METAP1: variants seen among roughly 807,000 people sequenced by gnomAD.
METAP1 encodes the protein methionyl aminopeptidase 1.
Under a neutral mutation model 53.8 loss-of-function variants are expected in METAP1, and 28 were observed. That is an observed-to-expected ratio of 0.52 (90% CI 0.39 to 0.71). The LOEUF (loss-of-function observed/expected upper bound fraction) is 0.71. Ranked by LOEUF, METAP1 falls within the 30% of genes least tolerant of loss-of-function variation. METAP1 has a pLI of 0.00. For missense variants in METAP1, 389 were observed against 479.8 expected (o/e 0.81, Z 1.77); for synonymous variants, 181 against 165.7 (o/e 1.09, Z -0.71).
intron 1 of METAP1, among the ~76,000 whole-genome samples, chr4:99,002,406 C>G (rs987710548): frequency 6.6e-6 from 1 of 152,240 alleles, no homozygotes; most frequent in East Asian, 1.9e-4. Context: ...TCCTGAACTT[C>G]GCCTGACCTC....
chr4:99,021,134 A>C (rs1445044363), intron 1 of METAP1, among the ~76,000 whole-genome samples: 1 of 152,108 alleles, frequency 6.6e-6, no homozygotes, highest in African/African-American at 2.4e-5. Context: ...CTGTATTCTC[A>C]GTTCCCTGGA....
chr4:99,040,885 T>C (rs1725809292), intron 5 of METAP1, among the ~76,000 whole-genome samples, 158 bp from the exon 6 acceptor site: 1 of 151,114 alleles, frequency 6.6e-6, no homozygotes, highest in African/African-American at 2.4e-5. Context: ...ATGTTTGTTT[T>C]TATGTATTTA....
chr4:99,024,889 TGGG>T (rs1724445200), intron 1 of METAP1, among the ~76,000 whole-genome samples: 1 of 151,932 alleles, frequency 6.6e-6, no homozygotes, highest in Non-Finnish European at 1.5e-5. Context: ...TCCATGGACT[TGGG>T]GGTGGTGGGG....
intron 2 of METAP1, among the ~76,000 whole-genome samples, chr4:99,029,978 C>T (rs371858995): frequency 2.6e-5 from 4 of 152,088 alleles, no homozygotes; most frequent in East Asian, 3.8e-4. Flanking sequence ...AGTTTATCAA[C>T]GCATAAAAGA....
chr4:99,000,348 A>G (rs1272299319), intron 1 of METAP1, among the ~76,000 whole-genome samples: 5 of 152,202 alleles, frequency 3.3e-5, no homozygotes, highest in African/African-American at 1.2e-4. Context: ...AAGTGGAAGG[A>G]GACCTGGATT....
intron 10 of METAP1, 55 bp from the exon 11 acceptor site, chr4:99,061,099 A>G: frequency 6.4e-7 from 1 of 1,568,154 alleles, no homozygotes; most frequent in South Asian, 1.2e-5. Flanking sequence ...TTTCTTCTTG[A>G]TAGAGTTCAT....
At chr4:99,037,156 C>G (rs1399893855) in intron 4 of METAP1, among the ~76,000 whole-genome samples, 1 of 151,082 alleles carries the variant, frequency 6.6e-6, no homozygotes, top group African/African-American at 2.4e-5. Context: ...CCTTTTTTTC[C>G]CTGTTAGAGT....
intron 9 of METAP1, among the ~76,000 whole-genome samples, chr4:99,051,147 A>G (rs1726669188): frequency 6.6e-6 from 1 of 152,158 alleles, no homozygotes; most frequent in Admixed American, 6.5e-5. Flanking sequence ...AGGGAATGAA[A>G]ACAGTCCCCT....
chr4:99,016,121 G>C (rs1464022071), intron 1 of METAP1, among the ~76,000 whole-genome samples: 2 of 152,138 alleles, frequency 1.3e-5, no homozygotes, highest in African/African-American at 2.4e-5. Context: ...GAATTCCAAG[G>C]GTGGTGCTTG....
chr4:98,996,899 G>A (rs2110266746), intron 1 of METAP1, among the ~76,000 whole-genome samples: 1 of 152,300 alleles, frequency 6.6e-6, no homozygotes, highest in South Asian at 2.1e-4. Flanking sequence ...GCCTGATTGG[G>A]GCCCTGCCCT....
chr4:99,050,198 A>G (rs1726594663), intron 9 of METAP1, among the ~76,000 whole-genome samples: 1 of 152,198 alleles, frequency 6.6e-6, no homozygotes, highest in African/African-American at 2.4e-5. Flanking sequence ...AGAGAAAAAC[A>G]GAGAAAATAT....
At position 99,062,404 on chromosome 4, in the gene METAP1, C is replaced by A. The variant is rs921327411; in HGVS notation, c.*1087C>A. On this transcript the variant is annotated 3_prime_UTR_variant, in exon 11 of 11. Transcript: ENST00000296411. Reference sequence around the variant, plus strand: ...CACCTCTCCTTTACATAGTTGGGAACCTCATTAGAAATGACCTCAGCTGCC... The same window carrying A: ...CACCTCTCCTTTACATAGTTGGGAAACTCATTAGAAATGACCTCAGCTGCC... 6.6e-6 allele frequency: 1 copy of A among 152,586 alleles called. No individual in the cohort carries two copies. The highest frequency in any genetic ancestry group is 2.4e-5 in the African/African-American group (1 of 41,446). 9.5% of individuals were successfully genotyped at this position (152,586 alleles called of 1,614,324 possible).
intron 1 of METAP1, among the ~76,000 whole-genome samples, chr4:99,004,484 T>TACAC (rs145601239): frequency 3.7e-4 from 28 of 75,474 alleles, no homozygotes; most frequent in Non-Finnish European, 8.4e-4. Context: ...CACACACACA[T>TACAC]ACACACACAC....
At chr4:99,039,932 G>T (rs1725734231) in intron 5 of METAP1, among the ~76,000 whole-genome samples, 1 of 151,678 alleles carries the variant, frequency 6.6e-6, no homozygotes, top group Admixed American at 6.6e-5. Flanking sequence ...TCACCATGTT[G>T]GCCAGGCTGG....
At chr4:99,056,965 C>T (rs1339332355) in intron 9 of METAP1, among the ~76,000 whole-genome samples, 2 of 152,144 alleles carry the variant, frequency 1.3e-5, no homozygotes, top group Non-Finnish European at 2.9e-5. Flanking sequence ...CTTCTGGGTT[C>T]CAGTGATTCC....
intron 1 of METAP1, among the ~76,000 whole-genome samples, chr4:99,010,697 T>G (rs1463017273): frequency 6.6e-6 from 1 of 152,218 alleles, no homozygotes; most frequent in Non-Finnish European, 1.5e-5. Flanking sequence ...TTTTTCAATT[T>G]CTGCAAAATA....
intron 3 of METAP1, among the ~76,000 whole-genome samples, chr4:99,034,628 C>T (rs542334480): frequency 3.9e-5 from 6 of 151,958 alleles, no homozygotes; most frequent in African/African-American, 7.2e-5. Flanking sequence ...TGTGTACAGT[C>T]GTCCCTCGAT....
chr4:99,057,071 G>A (rs1417423458), intron 9 of METAP1, among the ~76,000 whole-genome samples: 5 of 152,128 alleles, frequency 3.3e-5, no homozygotes, highest in Non-Finnish European at 7.3e-5. Context: ...CGCCATGTTG[G>A]CCAGGCTGGT....
intron 3 of METAP1, 114 bp downstream of exon 3, chr4:99,034,456 A>G: frequency 2.9e-6 from 2 of 686,278 alleles, no homozygotes; most frequent in Non-Finnish European, 5.1e-6. Flanking sequence ...TTACAAAGGA[A>G]CTCGAATTTT....
Sources: allele counts gnomAD v4.1 joint callset (sites outside exome capture counted in the v4.1 genomes callset), GRCh38; gene constraint gnomAD v4.1.1; transcripts MANE v1.5; gene names NCBI Gene and HGNC (gene_info 2026-07-23, HGNC 2026-07-21).